The following TMEM120B variants were observed in gnomAD, a reference collection of about 807,000 sequenced individuals.
The protein encoded by TMEM120B is transmembrane protein 120B.
Under a neutral mutation model 55.5 loss-of-function variants are expected in TMEM120B, and 31 were observed. The ratio of observed to expected loss-of-function variants is 0.56; its 90% confidence interval spans 0.42 to 0.75. The LOEUF (loss-of-function observed/expected upper bound fraction) is 0.75. Among genes scored for constraint, TMEM120B ranks in the 30% least tolerant of loss-of-function variants. TMEM120B has a pLI of 0.00. For missense variants in TMEM120B, 399 were observed against 425.5 expected, an observed-to-expected ratio of 0.94 and a Z score of 0.55; for synonymous variants, 203 against 176.3, an observed-to-expected ratio of 1.15 and a Z score of -1.20.
rs1426600041 is a variant in TMEM120B at position 121,770,899 on chromosome 12, C to T, written c.552-8C>T. On this transcript the variant is annotated splice_region_variant and splice_polypyrimidine_tract_variant and intron_variant, in intron 6 of 11. Coordinates refer to ENST00000449592, the MANE Select transcript of TMEM120B (RefSeq NM_001080825.2). ...CCTGAGCACTTTCCGTTCTCTCCCT[C>T]TCCCGAGAATTAAAGGCTGGTGGGT... The T allele has an allele frequency of 6.2e-7, 1 of 1,613,968 alleles. No homozygotes were observed. The highest frequency in any genetic ancestry group is 8.5e-7 in the Non-Finnish European group (1 of 1,179,984).
rs375939537 is a variant in TMEM120B at position 121,775,301 on chromosome 12, C to T, written c.906+171C>T. ...GTGTGCTGTGGGGAGGTTCCTGGGG[C>T]GGGCTGGGCTGGCAGGTGTGGGGTG... On this transcript the variant is annotated intron_variant, in intron 11 of 11. Coordinates refer to ENST00000449592, the MANE Select transcript of TMEM120B (RefSeq NM_001080825.2). This position sits in a 1 kb window ranked among gnomAD's most constrained non-coding sequence, Gnocchi z 4.3. Among the ~76,000 whole-genome samples, 27 of 95,682 alleles carry T rather than the reference C, an allele frequency of 2.8e-4. No homozygotes were observed. Among genetic ancestry groups the T allele is most frequent in the African/African-American group, 5.5e-4 (13 of 23,500 alleles). 62.8% of individuals were successfully genotyped at this position (95,682 alleles called of 152,430 possible). A position where few individuals can be genotyped will look rare whatever the true frequency, so the allele number is the denominator to read the frequency against.
chr12:121,732,789 T>C (rs2137058278), intron 1 of TMEM120B, among the ~76,000 whole-genome samples: 1 of 151,994 alleles, frequency 6.6e-6, no homozygotes, highest in African/African-American at 2.4e-5. Flanking sequence ...ACCATCCTGG[T>C]TAACATGGTG....
chr12:121,771,465 G>GT (rs1400255220), intron 7 of TMEM120B, 23 bp from the exon 8 acceptor site: 1 of 1,611,110 alleles, frequency 6.2e-7, no homozygotes, highest in Admixed American at 1.7e-5. Context: ...CCCCACCTTT[G>GT]TTTTTTCCTA....
Position 121,776,169 on chromosome 12 carries a change from CCCGGGG to C in TMEM120B, c.*450_*455del, listed in dbSNP as rs1874240274. The C allele has an allele frequency of 2.9e-6, 1 of 346,510 alleles. No individual in the cohort carries two copies. Among genetic ancestry groups the C allele is most frequent in the Non-Finnish European group, 5.2e-6 (1 of 192,394 alleles). 21.5% of individuals were successfully genotyped at this position (346,510 alleles called of 1,614,324 possible). A position where few individuals can be genotyped will look rare whatever the true frequency, so the allele number is the denominator to read the frequency against. On this transcript the variant is annotated 3_prime_UTR_variant, in exon 12 of 12. Coordinates refer to ENST00000449592, the MANE Select transcript of TMEM120B (RefSeq NM_001080825.2). ...CCTCAGTGTCCTGTGGCGCCCCCACCCCGGGGCCACTCTGCTTCTGCTGTGAGCCCC... is the reference window on the plus strand; with the variant it reads ...CCTCAGTGTCCTGTGGCGCCCCCACCCCACTCTGCTTCTGCTGTGAGCCCC...
chr12:121,772,156 T>A (rs1032237108), intron 8 of TMEM120B, among the ~76,000 whole-genome samples: 1 of 151,332 alleles, frequency 6.6e-6, no homozygotes, highest in African/African-American at 2.4e-5. Context: ...TCTGATGGAG[T>A]CTTGCTCTGT....
chr12:121,775,058 C>G lies in TMEM120B; in HGVS notation c.838-4C>G, dbSNP rs1385588316. The G allele has an allele frequency of 1.2e-6, 2 of 1,613,326 alleles. No individual in the cohort carries two copies. Among genetic ancestry groups the G allele is most frequent in the South Asian group, 2.2e-5 (2 of 91,022 alleles). On this transcript the variant is annotated splice_region_variant and splice_polypyrimidine_tract_variant and intron_variant, in intron 10 of 11. Coordinates refer to ENST00000449592, the MANE Select transcript of TMEM120B (RefSeq NM_001080825.2). This position sits in a 1 kb window ranked among gnomAD's most constrained non-coding sequence, Gnocchi z 4.3. ...GGGTGAGCAGCGCCTGCCTTCCTCT[C>G]CAGTTCTGGCAGCTCTACAATGCCG... is the stretch of plus-strand genomic sequence containing the variant.
At chr12:121,728,644 ACT>A (rs1894942982) in intron 1 of TMEM120B, among the ~76,000 whole-genome samples, 1 of 152,072 alleles carries the variant, frequency 6.6e-6, no homozygotes, top group Admixed American at 6.6e-5. Flanking sequence ...AAATGGAAAC[ACT>A]CAGCCCCAAC....
Position 121,778,723 on chromosome 12 carries a change from T to C in TMEM120B, c.*3001T>C, listed in dbSNP as rs3741589. 0.016 allele frequency: 2,473 copies of C among 152,242 alleles called. 45 individuals are homozygous for C. Among genetic ancestry groups the C allele is most frequent in the African/African-American group, 0.038 (1,592 of 41,528 alleles). The allele number at this position is 152,242 out of a possible 1,614,324, so 9.4% of individuals were successfully genotyped here. ...GTGGGCCAGTCCTGTCCTACCACAG[T>C]GGGGGGAACAGTCCACAGAAAACTT... On this transcript the variant is annotated 3_prime_UTR_variant, in exon 12 of 12. Transcript: ENST00000449592.
At chr12:121,714,599 G>C (rs959888290) in intron 1 of TMEM120B, among the ~76,000 whole-genome samples, 1 of 116,732 alleles carries the variant, frequency 8.6e-6, no homozygotes, top group Middle Eastern at 6.3e-3. Flanking sequence ...GTCTTGCTCT[G>C]TCACCAGACT....
chr12:121,716,712 G>A (rs574742728), intron 1 of TMEM120B, among the ~76,000 whole-genome samples: 37 of 151,782 alleles, frequency 2.4e-4, no homozygotes, highest in Non-Finnish European at 4.3e-4. Context: ...ACAGGCACCC[G>A]CCACCGTGCC....
intron 1 of TMEM120B, among the ~76,000 whole-genome samples, chr12:121,741,433 G>A (rs976697681): frequency 6.6e-6 from 1 of 152,106 alleles, no homozygotes; most frequent in Non-Finnish European, 1.5e-5. Flanking sequence ...GGGTTCAAGC[G>A]ATTCTCCTGA....
chr12:121,773,430 A>G lies in TMEM120B; in HGVS notation c.689A>G (p.Gln230Arg), dbSNP rs1324790183. ...LAFSIFQSCVQFLQYYYQRGC... is the reference protein window; with the variant it reads ...LAFSIFQSCVRFLQYYYQRGC... The stretch of plus-strand genomic sequence containing the variant: ...TGTGCTCCCCCTGCAGGCTGCGTCC[A>G]GTTCCTGCAATATTATTACCAGAGG... Residue 230 changes from glutamine (Q) to arginine (R), a missense_variant, in exon 9 of 12, where the codon CAG becomes CGG. Gln to Arg is a conservative substitution (Grantham distance 43). Coordinates refer to ENST00000449592, the MANE Select transcript of TMEM120B (RefSeq NM_001080825.2). 6.2e-7 allele frequency: 1 copy of G among 1,611,224 alleles called. No individual in the cohort carries two copies. The highest frequency in any genetic ancestry group is 1.3e-5 in the African/African-American group (1 of 74,832).
At chr12:121,720,589 T>C (rs1292670704) in intron 1 of TMEM120B, among the ~76,000 whole-genome samples, 6 of 151,906 alleles carry the variant, frequency 3.9e-5, no homozygotes. Context: ...CACAGGCCTG[T>C]AGTTTCAGCT....
intron 4 of TMEM120B, among the ~76,000 whole-genome samples, chr12:121,751,001 CA>C: frequency 9.2e-6 from 1 of 108,920 alleles, no homozygotes; most frequent in Non-Finnish European, 1.9e-5. Flanking sequence ...CCCCACACCC[CA>C]TATTCACACC....
intron 1 of TMEM120B, among the ~76,000 whole-genome samples, chr12:121,718,611 C>T (rs902149369): frequency 2.0e-5 from 3 of 152,246 alleles, no homozygotes; most frequent in South Asian, 4.1e-4. Context: ...AGCCAGAATT[C>T]GAACCCATGC....
At chr12:121,721,243 A>G (rs1327598373) in intron 1 of TMEM120B, among the ~76,000 whole-genome samples, 8 of 152,106 alleles carry the variant, frequency 5.3e-5, no homozygotes. Context: ...CAGTGGTCCC[A>G]TCATGGATCA....
Position 121,775,135 on chromosome 12 carries a change from G to A in TMEM120B, c.906+5G>A, listed in dbSNP as rs757297034. 1.2e-6 allele frequency: 2 copies of A among 1,608,566 alleles called. No individual in the cohort carries two copies. The highest frequency in any genetic ancestry group is 1.7e-5 in the Admixed American group (1 of 59,872). ...GAGGAATGCAGAGAATGGCAGGTAT[G>A]GGGGGTGGGGGCATGCTCGGGGGAG... On this transcript the variant is annotated splice_donor_5th_base_variant and intron_variant, in intron 11 of 11. Coordinates refer to ENST00000449592, the MANE Select transcript of TMEM120B (RefSeq NM_001080825.2). This position sits in a 1 kb window ranked among gnomAD's most constrained non-coding sequence, Gnocchi z 4.3.
In TMEM120B at chr12:121,775,382, C is replaced by T; in HGVS notation, c.907-227C>T. On this transcript the variant is annotated intron_variant, in intron 11 of 11. Transcript: ENST00000449592. The surrounding 1 kb of genome is among the most constrained non-coding windows in gnomAD (Gnocchi z 4.3). Reference sequence around the variant, plus strand: ...TGGAAGGGCTAGGGGTGGAGCCTCTCCCAATCTGTGGATCCCAAGGAGGTT... The same window carrying T: ...TGGAAGGGCTAGGGGTGGAGCCTCTTCCAATCTGTGGATCCCAAGGAGGTT... 2 of 968,542 alleles carry T rather than the reference C, an allele frequency of 2.1e-6. No individual in the cohort carries two copies. The highest frequency in any genetic ancestry group is 2.5e-6 in the Non-Finnish European group (2 of 814,648). 60.0% of individuals were successfully genotyped at this position (968,542 alleles called of 1,614,324 possible). A position where few individuals can be genotyped will look rare whatever the true frequency, so the allele number is the denominator to read the frequency against.
intron 5 of TMEM120B, among the ~76,000 whole-genome samples, chr12:121,754,877 G>C (rs550037263): frequency 6.6e-6 from 1 of 152,156 alleles, no homozygotes; most frequent in Non-Finnish European, 1.5e-5. Flanking sequence ...TCTCTGTGCC[G>C]GTGCCCCCGG....
Sources: allele counts gnomAD v4.1 joint callset (sites outside exome capture counted in the v4.1 genomes callset), GRCh38; gene constraint gnomAD v4.1.1; non-coding constraint Gnocchi (gnomAD v3.1); transcripts MANE v1.5; gene names NCBI Gene and HGNC (gene_info 2026-07-23, HGNC 2026-07-21).